The following TMEM269 variants were observed in gnomAD, a reference collection of about 807,000 sequenced individuals.
TMEM269 encodes transmembrane protein 269.
A neutral mutation model predicts 15.8 loss-of-function variants in TMEM269; 12 were observed. The observed-to-expected ratio is 0.76, with a 90% CI of 0.49 to 1.23. The LOEUF (loss-of-function observed/expected upper bound fraction) is 1.23. Ranked by LOEUF, TMEM269 falls within the 50% of genes most tolerant of loss-of-function variation. The pLI is 0.00. For synonymous variants in TMEM269, 93 were observed against 99.3 expected (o/e 0.94, Z 0.38); for missense variants, 211 against 245.4 (o/e 0.86, Z 0.94).
At chr1:42,789,545 A>T in intron 1 of TMEM269, 1 of 1,497,472 alleles carries the variant, frequency 6.7e-7, no homozygotes, top group Non-Finnish European at 9.0e-7. Context: ...TCAGAGAGGG[A>T]GTGGAAACTA....
chr1:42,793,371 G>A (rs1653734264), intron 3 of TMEM269, among the ~76,000 whole-genome samples: 1 of 152,188 alleles, frequency 6.6e-6, no homozygotes, highest in African/African-American at 2.4e-5. Flanking sequence ...TTAAGGGATG[G>A]GAAGACTAAG....
intron 5 of TMEM269, among the ~76,000 whole-genome samples, chr1:42,795,730 G>A (rs1214849551): frequency 6.6e-6 from 1 of 152,192 alleles, no homozygotes; most frequent in Non-Finnish European, 1.5e-5. Context: ...TTCCTTCAAG[G>A]AATATCAGTT....
intron 2 of TMEM269, among the ~76,000 whole-genome samples, chr1:42,791,505 G>T (rs1653684953): frequency 6.6e-6 from 1 of 152,172 alleles, no homozygotes; most frequent in Admixed American, 6.5e-5. Flanking sequence ...CATTGAAAAT[G>T]TTTTGAACTA....
chr1:42,795,153 T>G (rs1443759950), intron 5 of TMEM269, among the ~76,000 whole-genome samples: 2 of 152,118 alleles, frequency 1.3e-5, no homozygotes, highest in Non-Finnish European at 2.9e-5. Flanking sequence ...TAAGCAGGTG[T>G]CATTTAAGTG....
rs1028891912 is a variant in TMEM269, at chr1:42,800,425, G to C, written c.*2200G>C. On this transcript the variant is annotated 3_prime_UTR_variant, in exon 6 of 6. Coordinates refer to ENST00000637012, the MANE Select transcript of TMEM269 (RefSeq NM_001354602.2). The stretch of plus-strand genomic sequence containing the variant: ...CTTGGGCTTCCTCTTAGGAACAAGG[G>C]AGAAGGCCAAGACTTTAAAATCTGC... 2 of 152,180 alleles carry C rather than the reference G, an allele frequency of 1.3e-5. No homozygotes were observed. The highest frequency in any genetic ancestry group is 2.9e-5 in the Non-Finnish European group (2 of 68,040). 9.4% of individuals were successfully genotyped at this position (152,180 alleles called of 1,614,324 possible).
rs996318606 is a variant in TMEM269 at position 42,799,102 on chromosome 1, T to A, written c.*877T>A. On this transcript the variant is annotated 3_prime_UTR_variant, in exon 6 of 6. Transcript: ENST00000637012. ...CCTTTTGCTTTGTTTAGCAGTTAGA[T>A]ACATTGGTGACACAGGGCATCATCT... is the stretch of plus-strand genomic sequence containing the variant. 6.6e-6 allele frequency: 1 copy of A among 151,920 alleles called. No individual in the cohort carries two copies. Among genetic ancestry groups the A allele is most frequent in the African/African-American group, 2.4e-5 (1 of 41,378 alleles). 9.4% of individuals were successfully genotyped at this position (151,920 alleles called of 1,614,324 possible). A position where few individuals can be genotyped will look rare whatever the true frequency, so the allele number is the denominator to read the frequency against.
rs531753201 is a variant in TMEM269 at position 42,798,431 on chromosome 1, G to A, written c.*206G>A. On this transcript the variant is annotated 3_prime_UTR_variant, in exon 6 of 6. Coordinates refer to ENST00000637012, the MANE Select transcript of TMEM269 (RefSeq NM_001354602.2). ...TTATTCAGGGTTCTGACTCCCTTGCGGACAATACTTGTTTATGTCATGTAG... is the reference window on the plus strand; with the variant it reads ...TTATTCAGGGTTCTGACTCCCTTGCAGACAATACTTGTTTATGTCATGTAG... 1.1e-5 allele frequency: 7 copies of A among 611,028 alleles called. No homozygotes were observed. The highest frequency in any genetic ancestry group is 5.6e-5 in the African/African-American group (3 of 53,930). The allele number at this position is 611,028 out of a possible 1,614,324, so 37.9% of individuals were successfully genotyped here. A position where few individuals can be genotyped will look rare whatever the true frequency, so the allele number is the denominator to read the frequency against.
intron 1 of TMEM269, among the ~76,000 whole-genome samples, chr1:42,785,651 A>G (rs1342703821): frequency 1.3e-5 from 2 of 152,142 alleles, no homozygotes; most frequent in African/African-American, 4.8e-5. Context: ...ACTCAAGGTC[A>G]CATCCGCACG....
At chr1:42,787,304 C>A (rs1357887374) in intron 1 of TMEM269, among the ~76,000 whole-genome samples, 1 of 152,168 alleles carries the variant, frequency 6.6e-6, no homozygotes, top group Non-Finnish European at 1.5e-5. Flanking sequence ...AAAGTAGGGA[C>A]AAGAACCCTT....
Position 42,800,083 on chromosome 1 carries a change from A to T in TMEM269, c.*1858A>T, listed in dbSNP as rs932273445. The T allele has an allele frequency of 2.0e-5, 3 of 152,250 alleles. No homozygotes were observed. Among genetic ancestry groups the T allele is most frequent in the African/African-American group, 7.2e-5 (3 of 41,474 alleles). The allele number at this position is 152,250 out of a possible 1,614,324, so 9.4% of individuals were successfully genotyped here. A position where few individuals can be genotyped will look rare whatever the true frequency, so the allele number is the denominator to read the frequency against. ...AATTTCCATGTCCATTTTAAGTGAC[A>T]GCAGCAGAGAGAAATATACAGACCC... On this transcript the variant is annotated 3_prime_UTR_variant, in exon 6 of 6. Coordinates refer to ENST00000637012, the MANE Select transcript of TMEM269 (RefSeq NM_001354602.2).
rs987622781 is a variant in TMEM269, at chr1:42,797,768, AT to A, written c.485-321del. 4.8e-5 allele frequency: 24 copies of A among 498,856 alleles called. No individual in the cohort carries two copies. Among genetic ancestry groups the A allele is most frequent in the East Asian group, 2.4e-4 (4 of 16,666 alleles). The allele number at this position is 498,856 out of a possible 1,614,324, so 30.9% of individuals were successfully genotyped here. On this transcript the variant is annotated intron_variant, in intron 5 of 5. Coordinates refer to ENST00000637012, the MANE Select transcript of TMEM269 (RefSeq NM_001354602.2). This position sits in a 1 kb window ranked among gnomAD's most constrained non-coding sequence, Gnocchi z 4.9. ...TGTTAAATTTAAAACAATGAGGAAG[AT>A]TTTTTTTTCCTAACAAGGGTTTTTG...
rs1267858472 is a variant in TMEM269, at chr1:42,799,330, G to A, written c.*1105G>A. ...TCCACCTCCCAGATGGTGGAAAAAA[G>A]GATTGATGGCTGGTTCTGCTCCACC... On this transcript the variant is annotated 3_prime_UTR_variant, in exon 6 of 6. Transcript: ENST00000637012. The A allele has an allele frequency of 1.3e-5, 2 of 151,514 alleles. No homozygotes were observed. Among genetic ancestry groups the A allele is most frequent in the African/African-American group, 4.9e-5 (2 of 41,234 alleles). The allele number at this position is 151,514 out of a possible 1,614,324, so 9.4% of individuals were successfully genotyped here.
intron 1 of TMEM269, 72 bp from the exon 2 acceptor site, chr1:42,789,724 A>T: frequency 1.1e-6 from 1 of 899,642 alleles, no homozygotes; most frequent in Non-Finnish European, 1.8e-6. Context: ...ATCTAGTGGA[A>T]CAGGTCCCTG....
Position 42,789,807 on chromosome 1 carries a change from A to C in TMEM269, c.-87A>C, listed in dbSNP as rs1479189070. ...CTCTTGGGCCCCAGGTAAGGGTACC[A>C]GTTTCTTCCTGAGCCATGACCAGAG... On this transcript the variant is annotated 5_prime_UTR_variant, in exon 2 of 6. Coordinates refer to ENST00000637012, the MANE Select transcript of TMEM269 (RefSeq NM_001354602.2). 2.6e-6 allele frequency: 4 copies of C among 1,524,500 alleles called. No individual in the cohort carries two copies. The highest frequency in any genetic ancestry group is 2.7e-6 in the Non-Finnish European group (3 of 1,122,936). 94.4% of individuals were successfully genotyped at this position (1,524,500 alleles called of 1,614,324 possible). A position where few individuals can be genotyped will look rare whatever the true frequency, so the allele number is the denominator to read the frequency against.
intron 5 of TMEM269, among the ~76,000 whole-genome samples, chr1:42,795,625 G>C (rs971564505): frequency 2.6e-5 from 4 of 152,214 alleles, no homozygotes; most frequent in Non-Finnish European, 5.9e-5. Context: ...TTAGGGTTGG[G>C]TTTGAAGTAA....
At chr1:42,792,977 T>C (rs536254615) in intron 3 of TMEM269, 75 bp downstream of exon 3, 1 of 1,175,160 alleles carries the variant, frequency 8.5e-7, no homozygotes, top group Non-Finnish European at 1.2e-6. Flanking sequence ...GTCCATCCTC[T>C]AACATCCCGC....
At position 42,798,181 on chromosome 1, in the gene TMEM269, G is replaced by C; in HGVS notation, c.568G>C (p.Asp190His). 1 of 1,549,558 alleles carries C rather than the reference G, an allele frequency of 6.5e-7. No individual in the cohort carries two copies. The highest frequency in any genetic ancestry group is 8.7e-7 in the Non-Finnish European group (1 of 1,147,080). The change falls in exon 6 of 6, where the codon GAT becomes CAT. Residue 190 changes from aspartate to histidine, a missense_variant. Asp to His is a moderately conservative substitution (Grantham distance 81). Transcript: ENST00000637012. ...MWSLSYIFFP[D>H]ALWGKAACLS... ...GTCGCTCTCGTACATCTTCTTTCCAGATGCTCTGTGGGGCAAGGCAGCCTG... is the reference window on the plus strand; with the variant it reads ...GTCGCTCTCGTACATCTTCTTTCCACATGCTCTGTGGGGCAAGGCAGCCTG...
intron 1 of TMEM269, chr1:42,789,186 G>A (rs991457414): frequency 1.8e-5 from 9 of 511,292 alleles, no homozygotes; most frequent in South Asian, 1.5e-4. Context: ...GCCTCCCAAA[G>A]TGCTGGGATT....
chr1:42,800,591 G>A lies in TMEM269; in HGVS notation c.*2366G>A, dbSNP rs1653872997. On this transcript the variant is annotated 3_prime_UTR_variant, in exon 6 of 6. Coordinates refer to ENST00000637012, the MANE Select transcript of TMEM269 (RefSeq NM_001354602.2). ...GAAGTCCTACTTCTGTGTCTGATAA[G>A]CGGAATCAAGTGACTGAGAATTCTG... 1.3e-5 allele frequency: 2 copies of A among 152,142 alleles called. No individual in the cohort carries two copies. Among genetic ancestry groups the A allele is most frequent in the Admixed American group, 6.5e-5 (1 of 15,278 alleles). The allele number at this position is 152,142 out of a possible 1,614,324, so 9.4% of individuals were successfully genotyped here. A position where few individuals can be genotyped will look rare whatever the true frequency, so the allele number is the denominator to read the frequency against.
Sources: gnomAD v4.1 joint callset for allele counts (sites outside exome capture counted in the v4.1 genomes callset) on GRCh38, gnomAD v4.1.1 for gene constraint, Gnocchi (gnomAD v3.1) non-coding constraint, MANE v1.5 for transcripts, NCBI Gene and HGNC (gene_info 2026-07-23, HGNC 2026-07-21) for gene names.